The following CCDC38 variants were observed in gnomAD, a reference collection of about 807,000 sequenced individuals.
The protein encoded by CCDC38 is coiled-coil domain containing 38.
Under a neutral mutation model 72.8 loss-of-function variants are expected in CCDC38, and 69 were observed. The observed-to-expected ratio is 0.95, with a 90% confidence interval of 0.78 to 1.16. CCDC38 has a LOEUF of 1.16. Among genes scored for constraint, CCDC38 ranks in the 50% most tolerant of loss-of-function variants. The pLI, the probability that CCDC38 is intolerant of heterozygous loss-of-function variation, is 0.00. For synonymous variants in CCDC38, 201 were observed against 213.2 expected (o/e 0.94, Z 0.50); for missense variants, 626 against 638.9 (o/e 0.98, Z 0.22).
intron 4 of CCDC38, among the ~76,000 whole-genome samples, chr12:95,908,459 G>T (rs533217884): frequency 1.4e-4 from 1 of 7,052 alleles, no homozygotes; most frequent in Admixed American, 2.1e-3. Flanking sequence ...GAGAGGGAGA[G>T]GGAGAGGGAG....
At chr12:95,882,062 G>T (rs1203645357) in intron 10 of CCDC38, among the ~76,000 whole-genome samples, 1 of 152,214 alleles carries the variant, frequency 6.6e-6, no homozygotes, top group Non-Finnish European at 1.5e-5. Context: ...ATGTTGGTTG[G>T]GGTGATGGAC....
At position 95,890,948 on chromosome 12, in the gene CCDC38, AGAG is replaced by A; in HGVS notation, c.773-21_773-19del. 2 of 1,376,224 alleles carry A rather than the reference AGAG, an allele frequency of 1.5e-6. No individual in the cohort carries two copies. Among genetic ancestry groups the A allele is most frequent in the Non-Finnish European group, 2.1e-6 (2 of 973,630 alleles). The allele number at this position is 1,376,224 out of a possible 1,614,324, so 85.3% of individuals were successfully genotyped here. A position where few individuals can be genotyped will look rare whatever the true frequency, so the allele number is the denominator to read the frequency against. On this transcript the variant is annotated intron_variant, in intron 8 of 15. Transcript: ENST00000344280. ...TGATAATTCTAGAAATGGCAAATGA[AGAG>A]GAGAGAGACAGAGAAAGATGGGGGG...
chr12:95,908,458 A>C (rs1418069503), intron 4 of CCDC38, among the ~76,000 whole-genome samples: 4 of 28 alleles, frequency 0.14, no homozygotes, highest in African/African-American at 0.22. Flanking sequence ...GGAGAGGGAG[A>C]GGGAGAGGGA....
At chr12:95,912,507 G>A (rs1232962191) in intron 4 of CCDC38, among the ~76,000 whole-genome samples, 2 of 152,162 alleles carry the variant, frequency 1.3e-5, no homozygotes, top group Admixed American at 1.3e-4. Flanking sequence ...AGACACACAA[G>A]TACAGCTAGA....
intron 14 of CCDC38, chr12:95,869,821 ATT>A (rs56007426): frequency 0.2 from 55,559 of 275,824 alleles, 2,884 homozygotes; most frequent in African/African-American, 0.27. Context: ...ATCTTGGTCT[ATT>A]TTTTTTTTTT....
At chr12:95,891,819 G>A (rs1172681376) in intron 8 of CCDC38, among the ~76,000 whole-genome samples, 2 of 152,116 alleles carry the variant, frequency 1.3e-5, no homozygotes, top group African/African-American at 2.4e-5. Flanking sequence ...GAGACCTAGG[G>A]AACTCAGCAG....
intron 5 of CCDC38, among the ~76,000 whole-genome samples, chr12:95,899,607 G>T (rs1391669917): frequency 2.0e-5 from 3 of 152,128 alleles, no homozygotes; most frequent in East Asian, 3.8e-4. Context: ...ACCTATTTGG[G>T]TTTTTAATAC....
At chr12:95,886,893 C>A (rs2079765659) in intron 10 of CCDC38, among the ~76,000 whole-genome samples, 1 of 152,176 alleles carries the variant, frequency 6.6e-6, no homozygotes, top group Non-Finnish European at 1.5e-5. Flanking sequence ...TCTTTAAAAA[C>A]TGAACATGCG....
At chr12:95,889,455 T>TG (rs1351373318) in intron 9 of CCDC38, among the ~76,000 whole-genome samples, 2 of 151,988 alleles carry the variant, frequency 1.3e-5, no homozygotes, top group African/African-American at 4.8e-5. Flanking sequence ...ACCCCACCCC[T>TG]GCCCCCACAC....
At chr12:95,930,862 A>C (rs2080330020) in intron 2 of CCDC38, among the ~76,000 whole-genome samples, 1 of 152,130 alleles carries the variant, frequency 6.6e-6, no homozygotes. Context: ...CTACAAATCA[A>C]ATTCTAGTAG....
At chr12:95,906,800 TTTTATTTATTTA>T (rs66972731) in intron 4 of CCDC38, among the ~76,000 whole-genome samples, 19 of 138,032 alleles carry the variant, frequency 1.4e-4, no homozygotes, top group South Asian at 4.6e-4. Context: ...CAAGATTTCT[TTTTATTTATTTA>T]TTTATTTATT....
chr12:95,927,978 C>T (rs10859986), intron 2 of CCDC38, among the ~76,000 whole-genome samples: 74,713 of 144,756 alleles, frequency 0.52, 19,811 homozygotes, highest in East Asian at 0.91. Context: ...AACATTTTTT[C>T]CTTCATTTCA....
At chr12:95,933,050 C>T (rs1208014025) in intron 2 of CCDC38, 2 of 152,178 alleles carry the variant, frequency 1.3e-5, no homozygotes, top group African/African-American at 4.8e-5. Flanking sequence ...ACATTAACTA[C>T]AGATGAAATA....
At chr12:95,925,104 G>C (rs955800717) in intron 2 of CCDC38, among the ~76,000 whole-genome samples, 21 of 151,306 alleles carry the variant, frequency 1.4e-4, no homozygotes, top group African/African-American at 5.1e-4. Context: ...GATGGGGATG[G>C]CATTGAATCT....
chr12:95,896,213 T>G (rs577388630), intron 7 of CCDC38, among the ~76,000 whole-genome samples: 1 of 152,190 alleles, frequency 6.6e-6, no homozygotes, highest in Non-Finnish European at 1.5e-5. Context: ...ACTATTATTC[T>G]TATCTTGGAA....
chr12:95,935,857 T>C (rs979810011), intron 2 of CCDC38, among the ~76,000 whole-genome samples: 7 of 152,130 alleles, frequency 4.6e-5, no homozygotes, highest in African/African-American at 1.7e-4. Flanking sequence ...GGTGGGTGGA[T>C]CACCTGAGGT....
chr12:95,920,438 T>A (rs1237389161), intron 2 of CCDC38, among the ~76,000 whole-genome samples: 1 of 152,156 alleles, frequency 6.6e-6, no homozygotes, highest in Admixed American at 6.5e-5. Context: ...ATTAGCAGCA[T>A]GAGAACAGAT....
At chr12:95,898,081 G>C (rs150929666) in intron 7 of CCDC38, among the ~76,000 whole-genome samples, 1 of 152,272 alleles carries the variant, frequency 6.6e-6, no homozygotes, top group Non-Finnish European at 1.5e-5. Flanking sequence ...AGAAAAAAAT[G>C]AATGAATGAG....
intron 13 of CCDC38, among the ~76,000 whole-genome samples, chr12:95,874,449 C>T (rs900393776): frequency 6.6e-5 from 10 of 151,680 alleles, no homozygotes; most frequent in South Asian, 2.1e-4. Flanking sequence ...GAGAAAATGG[C>T]GAGAAGAGAT....
Sources: gnomAD v4.1 joint callset for allele counts (sites outside exome capture counted in the v4.1 genomes callset) on GRCh38, gnomAD v4.1.1 for gene constraint, MANE v1.5 for transcripts, NCBI Gene and HGNC (gene_info 2026-07-23, HGNC 2026-07-21) for gene names.